The following SBNO2 variants were observed in gnomAD, a reference collection of about 807,000 sequenced individuals.
SBNO2 encodes the protein protein strawberry notch homolog 2.
A neutral mutation model predicts 146.3 loss-of-function variants in SBNO2; 89 were observed. The ratio of observed to expected loss-of-function variants is 0.61; its 90% confidence interval spans 0.51 to 0.73. SBNO2 has a LOEUF of 0.73. Ranked by LOEUF, SBNO2 falls within the 30% of genes least tolerant of loss-of-function variation. The probability of loss-of-function intolerance (pLI) is 0.00; values close to 1 mark genes in which losing one functional copy is unlikely to be tolerated. For synonymous variants in SBNO2, 1,147 were observed against 892.6 expected (o/e 1.29, Z -5.08); for missense variants, 2,092 against 2,003.7 (o/e 1.04, Z -0.84).
At chr19:1,141,115 G>A (rs578141403) in intron 4 of SBNO2, among the ~76,000 whole-genome samples, 12 of 151,150 alleles carry the variant, frequency 7.9e-5, no homozygotes, top group African/African-American at 2.7e-4. Context: ...GAGAACACGC[G>A]CCCCGGAGAA....
chr19:1,110,985 G>C lies in SBNO2; in HGVS notation c.2884+34C>G. ...CCAAGGTTGCATGAGATGAGAGACA[G>C]GAGCGCCTCTGGGCCTGGGTGTGGG... On this transcript the variant is annotated intron_variant, in intron 25 of 31. Coordinates refer to ENST00000361757, the MANE Select transcript of SBNO2 (RefSeq NM_014963.3). The surrounding 1 kb of genome is among the most constrained non-coding windows in gnomAD (Gnocchi z 4.9). 6.2e-7 allele frequency: 1 copy of C among 1,606,510 alleles called. No homozygotes were observed. The highest frequency in any genetic ancestry group is 8.5e-7 in the Non-Finnish European group (1 of 1,176,878).
chr19:1,148,053 T>C (rs1254654634), intron 3 of SBNO2, among the ~76,000 whole-genome samples: 1 of 151,998 alleles, frequency 6.6e-6, no homozygotes, highest in Non-Finnish European at 1.5e-5. Flanking sequence ...GCTCCTGCGC[T>C]TGGGAGAGGG....
At chr19:1,123,764 C>CT in intron 6 of SBNO2, 125 bp from the exon 7 acceptor site, 1 of 1,087,484 alleles carries the variant, frequency 9.2e-7, no homozygotes, top group Non-Finnish European at 1.3e-6. Flanking sequence ...GGAGACGGCT[C>CT]TGTCTGCCCC....
chr19:1,133,077 G>A (rs1287813576), intron 4 of SBNO2, among the ~76,000 whole-genome samples: 3 of 152,132 alleles, frequency 2.0e-5, no homozygotes, highest in Non-Finnish European at 4.4e-5. Flanking sequence ...CTCACATTGG[G>A]CCACAGGCGG....
chr19:1,132,257 CGGCTGCATTTGCAT>C (rs1477249564), intron 4 of SBNO2: 1 of 1,310,302 alleles, frequency 7.6e-7, no homozygotes, highest in African/African-American at 1.5e-5. Context: ...GCTCTCCGCC[CGGCTGCATTTGCAT>C]GTCGGTTTAG....
rs1234843910 is a variant in SBNO2, at chr19:1,144,271, C to T, written c.279+3038G>A. ...TCCCACACTCAGCACTGGGGGACCA[C>T]GCGGCCCGGCCCACACTTGGCACCG... On this transcript the variant is annotated intron_variant, in intron 4 of 31. Coordinates refer to ENST00000361757, the MANE Select transcript of SBNO2 (RefSeq NM_014963.3). This position sits in a 1 kb window ranked among gnomAD's most constrained non-coding sequence, Gnocchi z 4.1. Among the ~76,000 whole-genome samples, 3 of 152,192 alleles carry T rather than the reference C, an allele frequency of 2.0e-5. No individual in the cohort carries two copies. Among genetic ancestry groups the T allele is most frequent in the Admixed American group, 6.5e-5 (1 of 15,278 alleles).
At chr19:1,134,544 G>A (rs2080068471) in intron 4 of SBNO2, among the ~76,000 whole-genome samples, 1 of 150,168 alleles carries the variant, frequency 6.7e-6, no homozygotes, top group South Asian at 2.1e-4. Context: ...GCCAAACACA[G>A]AAGGCCACGC....
rs975388501 is a variant in SBNO2 at position 1,150,325 on chromosome 19, C to A, written c.94-883G>T. Among the ~76,000 whole-genome samples the A allele has an allele frequency of 2.0e-5, 3 of 152,214 alleles. No individual in the cohort carries two copies. Among genetic ancestry groups the A allele is most frequent in the African/African-American group, 7.2e-5 (3 of 41,538 alleles). ...GCAGCGGGCCCAGGGTCAGCACCTG[C>A]GGCTTCGGGGGCAGGGCTGTGGACA... is the stretch of plus-strand genomic sequence containing the variant. On this transcript the variant is annotated intron_variant, in intron 2 of 31. Coordinates refer to ENST00000361757, the MANE Select transcript of SBNO2 (RefSeq NM_014963.3). The surrounding 1 kb of genome is among the most constrained non-coding windows in gnomAD (Gnocchi z 6.2).
At position 1,109,479 on chromosome 19, in the gene SBNO2, T is replaced by TG. The variant is rs772928451; in HGVS notation, c.3216+26dup. 45 of 1,577,804 alleles carry TG rather than the reference T, an allele frequency of 2.9e-5. No individual in the cohort carries two copies. Among genetic ancestry groups the TG allele is most frequent in the Admixed American group, 2.6e-4 (14 of 54,076 alleles). The stretch of plus-strand genomic sequence containing the variant: ...GGTCCGCCCCCCGCGGGCCCTCCTC[T>TG]GGGGGGGTAACCCCGCCCGACCCCA... On this transcript the variant is annotated intron_variant, in intron 28 of 31. Coordinates refer to ENST00000361757, the MANE Select transcript of SBNO2 (RefSeq NM_014963.3). This position sits in a 1 kb window ranked among gnomAD's most constrained non-coding sequence, Gnocchi z 4.2.
At position 1,119,682 on chromosome 19, in the gene SBNO2, G is replaced by T. The variant is rs533104189; in HGVS notation, c.1268-61C>A. 9.1e-6 allele frequency: 13 copies of T among 1,430,192 alleles called. No individual in the cohort carries two copies. In the African/African-American group the frequency reaches 9.9e-5, roughly 11 times the overall value. The allele number at this position is 1,430,192 out of a possible 1,614,324, so 88.6% of individuals were successfully genotyped here. On this transcript the variant is annotated intron_variant, in intron 12 of 31. Transcript: ENST00000361757. Reference sequence around the variant, plus strand: ...GGAGGGCCCAGAGGCCGCGTCAGGGGACGACTAAGTTGGGACCACCCGACG... The same window carrying T: ...GGAGGGCCCAGAGGCCGCGTCAGGGTACGACTAAGTTGGGACCACCCGACG...
In SBNO2 at chr19:1,136,156, C is replaced by T. The variant is rs575807293; in HGVS notation, c.280-8391G>A. On this transcript the variant is annotated intron_variant, in intron 4 of 31. Coordinates refer to ENST00000361757, the MANE Select transcript of SBNO2 (RefSeq NM_014963.3). The surrounding 1 kb of genome is among the most constrained non-coding windows in gnomAD (Gnocchi z 4.2). The stretch of plus-strand genomic sequence containing the variant: ...CCTGCGGCCACAGCCAGGGGATGCC[C>T]GGATCCCCCAGATGCTGGAGGGGCC... 2.0e-4 allele frequency among the ~76,000 whole-genome samples: 30 copies of T among 152,264 alleles called. No homozygotes were observed. The highest frequency in any genetic ancestry group is 5.8e-4 in the African/African-American group (24 of 41,568).
At chr19:1,164,539 G>C (rs1371894170) in intron 1 of SBNO2, among the ~76,000 whole-genome samples, 1 of 120,228 alleles carries the variant, frequency 8.3e-6, no homozygotes, top group Non-Finnish European at 1.7e-5. Flanking sequence ...GGAGGAGGAG[G>C]AGGAGGAGGA....
At chr19:1,111,455 T>A (rs2145190540) in intron 24 of SBNO2, 51 bp downstream of exon 24, 1 of 1,285,650 alleles carries the variant, frequency 7.8e-7, no homozygotes, top group Admixed American at 2.0e-5. Context: ...TGGAGCCCAG[T>A]GCTCTGCAAC....
chr19:1,155,926 G>C (rs954911675), intron 1 of SBNO2, among the ~76,000 whole-genome samples: 2 of 152,156 alleles, frequency 1.3e-5, no homozygotes, highest in African/African-American at 2.4e-5. Flanking sequence ...TCCATCTCAC[G>C]GCAGCCACAG....
In SBNO2 at chr19:1,109,225, GCC is replaced by G. The variant is rs2079720455; in HGVS notation, c.3349-16_3349-15del. 1 of 1,569,308 alleles carries G rather than the reference GCC, an allele frequency of 6.4e-7. No individual in the cohort carries two copies. Among genetic ancestry groups the G allele is most frequent in the African/African-American group, 1.4e-5 (1 of 73,896 alleles). On this transcript the variant is annotated splice_polypyrimidine_tract_variant and intron_variant, in intron 29 of 31. Transcript: ENST00000361757. This position sits in a 1 kb window ranked among gnomAD's most constrained non-coding sequence, Gnocchi z 4.2. ...CTCCGCGGTGACCTAGGGACACAGG[GCC>G]GCATGAGCCTGGGCGGGGTCAGGGC...
Position 1,119,987 on chromosome 19 carries a change from C to G in SBNO2, c.1186G>C (p.Gly396Arg). 1 of 1,551,544 alleles carries G rather than the reference C, an allele frequency of 6.4e-7. No homozygotes were observed. The highest frequency in any genetic ancestry group is 8.7e-7 in the Non-Finnish European group (1 of 1,147,266). ...ACAGCCTTGCCCATCTTGGTGGAGC[C>G]GGCATTCTTGGCTTTGTGACACTCG... is the stretch of plus-strand genomic sequence containing the variant. ...FDECHKAKNA[G>R]STKMGKAVLD... The change falls in exon 12 of 32, where the codon GGC becomes CGC. Residue 396 changes from glycine to arginine, a missense_variant. Transcript: ENST00000361757.
Position 1,126,941 on chromosome 19 carries a change from C to T in SBNO2, c.441+663G>A, listed in dbSNP as rs1190746660. On this transcript the variant is annotated intron_variant, in intron 5 of 31. Coordinates refer to ENST00000361757, the MANE Select transcript of SBNO2 (RefSeq NM_014963.3). This position sits in a 1 kb window ranked among gnomAD's most constrained non-coding sequence, Gnocchi z 4.4. ...AGAACCTGGGGGCCCTGCTGCCCTACAACCCCTGCTCTAGGCCTGGCCCAC... is the reference window on the plus strand; with the variant it reads ...AGAACCTGGGGGCCCTGCTGCCCTATAACCCCTGCTCTAGGCCTGGCCCAC... 6.6e-6 allele frequency among the ~76,000 whole-genome samples: 1 copy of T among 152,216 alleles called. No individual in the cohort carries two copies. The highest frequency in any genetic ancestry group is 1.5e-5 in the Non-Finnish European group (1 of 68,024).
At chr19:1,156,015 G>C (rs934329608) in intron 1 of SBNO2, among the ~76,000 whole-genome samples, 2 of 152,192 alleles carry the variant, frequency 1.3e-5, no homozygotes, top group Non-Finnish European at 2.9e-5. Context: ...CTGATGGGCA[G>C]CAGGGCCCAG....
At chr19:1,165,217 G>C (rs1489107289) in intron 1 of SBNO2, among the ~76,000 whole-genome samples, 2 of 152,146 alleles carry the variant, frequency 1.3e-5, no homozygotes, top group African/African-American at 2.4e-5. Flanking sequence ...CCAGGTCAGG[G>C]CTGCTCAGCT....
Sources: allele counts gnomAD v4.1 joint callset (sites outside exome capture counted in the v4.1 genomes callset), GRCh38; gene constraint gnomAD v4.1.1; non-coding constraint Gnocchi (gnomAD v3.1); transcripts MANE v1.5; gene names NCBI Gene and HGNC (gene_info 2026-07-23, HGNC 2026-07-21).